NOX5: variants seen among roughly 807,000 people sequenced by gnomAD.
NOX5 encodes NADPH oxidase 5, also known as NADPH oxidase, EF-hand calcium binding domain 5.
NOX5 carries 76 observed loss-of-function variants against 85.7 expected under a neutral mutation model. The observed-to-expected ratio is 0.89, with a 90% CI of 0.74 to 1.07. The LOEUF (loss-of-function observed/expected upper bound fraction) is 1.07, where lower values mean the gene tolerates loss of function less well. NOX5 is among the 50% of genes least tolerant of loss of function. The probability of loss-of-function intolerance (pLI) is 0.00; values close to 1 mark genes in which losing one functional copy is unlikely to be tolerated. For synonymous variants in NOX5, 405 were observed against 401.4 expected, an observed-to-expected ratio of 1.01 and a Z score of -0.11; for missense variants, 973 against 999.5, an observed-to-expected ratio of 0.97 and a Z score of 0.36.
chr15:69,046,450 G>A (rs1332341707), intron 10 of NOX5: 2 of 192,762 alleles, frequency 1.0e-5, no homozygotes, highest in East Asian at 2.5e-4. Context: ...AGGCTAGTAG[G>A]GGAATGCTCT....
chr15:69,057,311 G>A lies in NOX5; in HGVS notation c.*615G>A, dbSNP rs1367855107. Reference sequence around the variant, plus strand: ...ATCTCAGCACACCTTGCTACTTGGAGGAGCCTTCTTCAAATGCACATTCCT... The same window carrying A: ...ATCTCAGCACACCTTGCTACTTGGAAGAGCCTTCTTCAAATGCACATTCCT... On this transcript the variant is annotated 3_prime_UTR_variant, in exon 16 of 16. Transcript: ENST00000388866. 6.6e-6 allele frequency: 1 copy of A among 152,216 alleles called. No homozygotes were observed. The highest frequency in any genetic ancestry group is 1.5e-5 in the Non-Finnish European group (1 of 68,060). The allele number at this position is 152,216 out of a possible 1,614,324, so 9.4% of individuals were successfully genotyped here.
intron 2 of NOX5, 113 bp from the exon 3 acceptor site, chr15:69,028,102 A>G: frequency 1.7e-6 from 2 of 1,166,686 alleles, no homozygotes; most frequent in Non-Finnish European, 1.2e-6. Flanking sequence ...GAATACCGCC[A>G]CTCTGTGGTG....
At position 69,033,682 on chromosome 15, in the gene NOX5, T is replaced by C. The variant is rs1049139731; in HGVS notation, c.855+405T>C. 2.6e-5 allele frequency among the ~76,000 whole-genome samples: 4 copies of C among 151,138 alleles called. No homozygotes were observed. The South Asian group carries it at 8.3e-4, about 32-fold the overall frequency. ...GATGAGGCCTCTAAGAGGTGTTTTT[T>C]TTTTTCTTTCTTTTTTTTCTTTTTT... On this transcript the variant is annotated intron_variant, in intron 5 of 15. Coordinates refer to ENST00000388866, the MANE Select transcript of NOX5 (RefSeq NM_024505.4).
At position 69,053,359 on chromosome 15, in the gene NOX5, C is replaced by T. The variant is rs374665812; in HGVS notation, c.2000-1975C>T. 2.2e-4 allele frequency among the ~76,000 whole-genome samples: 33 copies of T among 152,274 alleles called. No homozygotes were observed. In the East Asian group the frequency reaches 6.0e-3, roughly 28 times the overall value. ...ATCTGCAGAACACATAGAACAGTGACTGGAGCTTAATAAACTGCTTGATAA... is the reference window on the plus strand; with the variant it reads ...ATCTGCAGAACACATAGAACAGTGATTGGAGCTTAATAAACTGCTTGATAA... On this transcript the variant is annotated intron_variant, in intron 14 of 15. Transcript: ENST00000388866.
chr15:69,037,221 G>T lies in NOX5; in HGVS notation c.1371+11G>T. The T allele has an allele frequency of 6.2e-7, 1 of 1,609,440 alleles. No individual in the cohort carries two copies. Among genetic ancestry groups the T allele is most frequent in the Non-Finnish European group, 8.5e-7 (1 of 1,177,612 alleles). On this transcript the variant is annotated intron_variant, in intron 8 of 15. Transcript: ENST00000388866. Reference sequence around the variant, plus strand: ...CTCCTCCCCTCCAAGGTACAAAGGTGGGGGATGGGGAGGTGCTTTTCCAAC... The same window carrying T: ...CTCCTCCCCTCCAAGGTACAAAGGTTGGGGATGGGGAGGTGCTTTTCCAAC...
At chr15:69,026,503 T>C (rs1285779571) in intron 1 of NOX5, 25 bp from the exon 2 acceptor site, 1 of 1,613,808 alleles carries the variant, frequency 6.2e-7, no homozygotes. Flanking sequence ...CCCAAGCCCA[T>C]AAACCTGTTT....
At chr15:69,020,556 C>T (rs1231131797) in intron 1 of NOX5, among the ~76,000 whole-genome samples, 1 of 151,672 alleles carries the variant, frequency 6.6e-6, no homozygotes, top group African/African-American at 2.4e-5. Context: ...ATTATAAATA[C>T]AATTTTTTAA....
chr15:69,015,987 C>G (rs1567090109), intron 1 of NOX5, among the ~76,000 whole-genome samples: 1 of 152,182 alleles, frequency 6.6e-6, no homozygotes, highest in Admixed American at 6.5e-5. Flanking sequence ...TGTGAAAAAA[C>G]CTAGGAAGCT....
At chr15:69,048,552 T>C (rs11852883) in intron 13 of NOX5, among the ~76,000 whole-genome samples, 1 of 133,586 alleles carries the variant, frequency 7.5e-6, no homozygotes, top group Non-Finnish European at 1.6e-5. Flanking sequence ...ATAATAAAAA[T>C]AATAATAATA....
In NOX5 at chr15:69,037,099, GA is replaced by G. The variant is rs753400122; in HGVS notation, c.1262del (p.Lys421SerfsTer59). On this transcript the variant is annotated frameshift_variant, in exon 8 of 16. Transcript: ENST00000388866. LOFTEE classifies it high-confidence loss of function. Reference protein sequence around the residue: ...LLIFHGPNFWKWLLVPGILFF... With the variant: ...LLIFHGPNFWXWLLVPGILFF... ...TCATCTTTCATGGGCCCAACTTCTGGAAGTGGCTGCTGGTGCCTGGAATCTT... is the reference window on the plus strand; with the variant it reads ...TCATCTTTCATGGGCCCAACTTCTGGAGTGGCTGCTGGTGCCTGGAATCTT... 6.3e-5 allele frequency: 102 copies of G among 1,613,980 alleles called. No individual in the cohort carries two copies. The highest frequency in any genetic ancestry group is 1.7e-4 in the Middle Eastern group (1 of 6,048).
chr15:69,035,298 A>C, intron 5 of NOX5, 56 bp from the exon 6 acceptor site: 2 of 1,579,674 alleles, frequency 1.3e-6, no homozygotes, highest in Non-Finnish European at 1.7e-6. Flanking sequence ...GGCTGGGAAA[A>C]GAGGACAAGG....
rs1046486845 is a variant in NOX5 at position 69,058,971 on chromosome 15, A to C, written c.*2275A>C. The C allele has an allele frequency of 4.6e-5, 7 of 152,244 alleles. No homozygotes were observed. The highest frequency in any genetic ancestry group is 8.8e-5 in the Non-Finnish European group (6 of 68,084). 9.4% of individuals were successfully genotyped at this position (152,244 alleles called of 1,614,324 possible). A position where few individuals can be genotyped will look rare whatever the true frequency, so the allele number is the denominator to read the frequency against. The stretch of plus-strand genomic sequence containing the variant: ...TCTCACACATGCACTCAATGCACAC[A>C]CACACATGCATGTCACCGTTTTGGA... On this transcript the variant is annotated 3_prime_UTR_variant, in exon 16 of 16. Transcript: ENST00000388866.
Position 69,060,558 on chromosome 15 carries a change from AG to A in NOX5, c.*3863del, listed in dbSNP as rs1184048116. 2 of 152,102 alleles carry A rather than the reference AG, an allele frequency of 1.3e-5. No homozygotes were observed. The highest frequency in any genetic ancestry group is 2.9e-5 in the Non-Finnish European group (2 of 68,016). 9.4% of individuals were successfully genotyped at this position (152,102 alleles called of 1,614,324 possible). On this transcript the variant is annotated 3_prime_UTR_variant, in exon 16 of 16. Transcript: ENST00000388866. ...GTATATTTATCTGTGTGCTCTGGGG[AG>A]TGGGAATGGAGGGATACAATGAAGG...
intron 1 of NOX5, among the ~76,000 whole-genome samples, chr15:69,019,219 G>C (rs936761056): frequency 2.0e-5 from 3 of 152,092 alleles, no homozygotes; most frequent in Non-Finnish European, 2.9e-5. Flanking sequence ...TCCTCCTCCC[G>C]ACTGGGATGG....
chr15:69,020,564 T>C (rs2050284164), intron 1 of NOX5, among the ~76,000 whole-genome samples: 1 of 151,924 alleles, frequency 6.6e-6, no homozygotes, highest in South Asian at 2.1e-4. Context: ...TACAATTTTT[T>C]AAAATTTCCA....
intron 14 of NOX5, 46 bp downstream of exon 14, chr15:69,049,104 C>A: frequency 8.1e-7 from 1 of 1,235,862 alleles, no homozygotes; most frequent in Non-Finnish European, 1.1e-6. Flanking sequence ...AGGGCAGGGG[C>A]CTTCAGCTTC....
intron 9 of NOX5, among the ~76,000 whole-genome samples, chr15:69,041,969 G>A (rs2050600205): frequency 6.6e-6 from 1 of 151,382 alleles, no homozygotes; most frequent in Admixed American, 6.6e-5. Context: ...ACCCAGGGAA[G>A]CCAAAAGATT....
intron 14 of NOX5, 67 bp downstream of exon 14, chr15:69,049,125 T>A: frequency 3.0e-6 from 3 of 990,128 alleles, no homozygotes; most frequent in Middle Eastern, 2.5e-4. Context: ...TTTAAAAAAA[T>A]AATTTATTGA....
chr15:69,041,225 T>G (rs907444280), intron 9 of NOX5, among the ~76,000 whole-genome samples: 1 of 152,212 alleles, frequency 6.6e-6, no homozygotes, highest in Non-Finnish European at 1.5e-5. Flanking sequence ...CTTGAGGCAC[T>G]TCAAGCGACT....
Sources: allele counts gnomAD v4.1 joint callset (sites outside exome capture counted in the v4.1 genomes callset), GRCh38; gene constraint gnomAD v4.1.1; transcripts MANE v1.5; gene names NCBI Gene and HGNC (gene_info 2026-07-23, HGNC 2026-07-21).